The following ADAMTS18 variants were observed in gnomAD, a reference collection of about 807,000 sequenced individuals.
The protein encoded by ADAMTS18 is A disintegrin and metalloproteinase with thrombospondin motifs 18.
A neutral mutation model predicts 165.9 loss-of-function variants in ADAMTS18; 157 were observed. The ratio of observed to expected loss-of-function variants is 0.95; its 90% CI spans 0.83 to 1.08. The LOEUF is 1.08. ADAMTS18 is among the 50% of genes least tolerant of loss of function. The pLI, the probability that ADAMTS18 is intolerant of heterozygous loss-of-function variation, is 0.00. For missense variants in ADAMTS18, 2,040 were observed against 1,534.0 expected (o/e 1.33, Z -5.51); for synonymous variants, 782 against 578.2 (o/e 1.35, Z -5.06).
intron 13 of ADAMTS18, among the ~76,000 whole-genome samples, chr16:77,323,946 C>G (rs1373047264): frequency 6.6e-6 from 1 of 152,214 alleles, no homozygotes; most frequent in Non-Finnish European, 1.5e-5. Flanking sequence ...ATGCTCCCTA[C>G]TCAGTGGAAA....
chr16:77,421,395 T>C (rs1391849890), intron 3 of ADAMTS18, among the ~76,000 whole-genome samples: 1 of 152,250 alleles, frequency 6.6e-6, no homozygotes, highest in East Asian at 1.9e-4. Context: ...CAGAGACGTG[T>C]ACAAAGTCCA....
intron 12 of ADAMTS18, among the ~76,000 whole-genome samples, chr16:77,333,100 T>C (rs1243573197): frequency 1.3e-5 from 2 of 152,158 alleles, no homozygotes; most frequent in African/African-American, 4.8e-5. Flanking sequence ...CTAGTTTAGA[T>C]GAACAGAGTA....
At chr16:77,389,324 A>C (rs905966671) in intron 3 of ADAMTS18, among the ~76,000 whole-genome samples, 1 of 152,190 alleles carries the variant, frequency 6.6e-6, no homozygotes, top group African/African-American at 2.4e-5. Flanking sequence ...AGAGGAGTCC[A>C]ATCTTTACAT....
chr16:77,355,923 G>A lies in ADAMTS18; in HGVS notation c.1460+17C>T. ...CACTCCAAACCTAGGAGCACCCCAG[G>A]ATTTAACCTGTCATACCTGAGGAAT... On this transcript the variant is annotated intron_variant, in intron 9 of 22. Coordinates refer to ENST00000282849, the MANE Select transcript of ADAMTS18 (RefSeq NM_199355.4). 7 of 1,613,836 alleles carry A rather than the reference G, an allele frequency of 4.3e-6. No individual in the cohort carries two copies. The highest frequency in any genetic ancestry group is 5.9e-6 in the Non-Finnish European group (7 of 1,179,806).
intron 3 of ADAMTS18, among the ~76,000 whole-genome samples, chr16:77,410,337 G>A (rs986963015): frequency 1.3e-5 from 2 of 150,598 alleles, no homozygotes; most frequent in Non-Finnish European, 3.0e-5. Context: ...ATGTTTAAAT[G>A]TATGACTAGG....
Position 77,341,687 on chromosome 16 carries a change from A to T in ADAMTS18, c.1710+17T>A, listed in dbSNP as rs753790220. On this transcript the variant is annotated intron_variant, in intron 11 of 22. Coordinates refer to ENST00000282849, the MANE Select transcript of ADAMTS18 (RefSeq NM_199355.4). The stretch of plus-strand genomic sequence containing the variant: ...ATCAAATTTCTGGAGCTAAAAACTA[A>T]CAAGTATGCAGTTTACCATACTCAA... 1 of 1,603,606 alleles carries T rather than the reference A, an allele frequency of 6.2e-7. No homozygotes were observed. The highest frequency in any genetic ancestry group is 2.2e-5 in the East Asian group (1 of 44,746).
At chr16:77,401,649 G>T (rs768486934) in intron 3 of ADAMTS18, among the ~76,000 whole-genome samples, 12 of 152,154 alleles carry the variant, frequency 7.9e-5, no homozygotes, top group Non-Finnish European at 1.3e-4. Flanking sequence ...GCTGGTAAAT[G>T]TTATTTCTGG....
At chr16:77,362,677 G>C (rs1407806271) in intron 6 of ADAMTS18, among the ~76,000 whole-genome samples, 2 of 116,998 alleles carry the variant, frequency 1.7e-5, no homozygotes, top group South Asian at 3.0e-4. Flanking sequence ...GCACATCATA[G>C]ATTACAATCA....
intron 5 of ADAMTS18, 33 bp downstream of exon 5, chr16:77,364,155 G>A (rs774497555): frequency 1.2e-6 from 2 of 1,613,250 alleles, no homozygotes; most frequent in African/African-American, 1.3e-5. Flanking sequence ...ATTTTCTTTG[G>A]AGAGCCAGAA....
intron 10 of ADAMTS18, among the ~76,000 whole-genome samples, chr16:77,353,094 G>A (rs1034700824): frequency 1.3e-5 from 2 of 151,742 alleles, no homozygotes; most frequent in South Asian, 2.1e-4. Context: ...CAACAACAAC[G>A]ACAACAACAA....
chr16:77,292,679 G>C (rs1300976370), intron 20 of ADAMTS18, among the ~76,000 whole-genome samples: 7 of 152,236 alleles, frequency 4.6e-5, no homozygotes, highest in African/African-American at 1.7e-4. Context: ...TGATCAATGT[G>C]GGGGTGCTTT....
intron 21 of ADAMTS18, chr16:77,290,933 C>A: frequency 2.5e-6 from 1 of 393,352 alleles, no homozygotes. Context: ...ATTTCTAAAA[C>A]AGAAAGACTC....
At chr16:77,414,318 A>T (rs1406273652) in intron 3 of ADAMTS18, among the ~76,000 whole-genome samples, 1 of 152,240 alleles carries the variant, frequency 6.6e-6, no homozygotes, top group African/African-American at 2.4e-5. Flanking sequence ...ACTGCCCAAG[A>T]CAGCAGCCCT....
intron 16 of ADAMTS18, among the ~76,000 whole-genome samples, chr16:77,317,375 C>T (rs756218106): frequency 1.3e-5 from 2 of 152,130 alleles, no homozygotes; most frequent in African/African-American, 2.4e-5. Context: ...ACTCTTTTGC[C>T]CAGGCTAGAG....
chr16:77,291,488 A>G lies in ADAMTS18; in HGVS notation c.3190-10T>C, dbSNP rs2055363888. On this transcript the variant is annotated splice_polypyrimidine_tract_variant and intron_variant, in intron 20 of 22. Coordinates refer to ENST00000282849, the MANE Select transcript of ADAMTS18 (RefSeq NM_199355.4). ...CACAGGTTGCAGAACACTAGGAGCCAAGACAGGATGTGTAAAAGTGAAGAC... is the reference window on the plus strand; with the variant it reads ...CACAGGTTGCAGAACACTAGGAGCCGAGACAGGATGTGTAAAAGTGAAGAC... 6.2e-7 allele frequency: 1 copy of G among 1,613,806 alleles called. No homozygotes were observed.
chr16:77,340,115 T>G (rs2144684842), intron 11 of ADAMTS18, among the ~76,000 whole-genome samples: 1 of 152,286 alleles, frequency 6.6e-6, no homozygotes, highest in East Asian at 1.9e-4. Flanking sequence ...GAAGGTGTCT[T>G]TAAAGAGAGA....
intron 19 of ADAMTS18, among the ~76,000 whole-genome samples, chr16:77,294,384 C>T (rs2055425321): frequency 6.6e-6 from 1 of 152,118 alleles, no homozygotes; most frequent in Non-Finnish European, 1.5e-5. Flanking sequence ...GGCAAACTTA[C>T]CCACGGTTGA....
chr16:77,358,181 G>T (rs953924087), intron 8 of ADAMTS18, among the ~76,000 whole-genome samples: 2 of 151,696 alleles, frequency 1.3e-5, no homozygotes, highest in East Asian at 3.9e-4. Context: ...GTGTCTAAAT[G>T]TGTGTGTGTG....
chr16:77,387,371 G>A (rs555278890), intron 3 of ADAMTS18, among the ~76,000 whole-genome samples: 4 of 152,118 alleles, frequency 2.6e-5, no homozygotes, highest in African/African-American at 7.2e-5. Flanking sequence ...TCAGGTCATC[G>A]CTGTCACGGG....
Sources: gnomAD v4.1 joint callset for allele counts (sites outside exome capture counted in the v4.1 genomes callset) on GRCh38, gnomAD v4.1.1 for gene constraint, MANE v1.5 for transcripts, NCBI Gene and HGNC (gene_info 2026-07-23, HGNC 2026-07-21) for gene names.